Variants in SLC35A4 observed in about 807,000 individuals in gnomAD.
SLC35A4 encodes the protein probable UDP-sugar transporter protein SLC35A4.
SLC35A4 carries 9 observed loss-of-function variants against 18.8 expected under a neutral mutation model. The observed-to-expected ratio is 0.48, with a 90% confidence interval of 0.29 to 0.83. SLC35A4 has a LOEUF of 0.83. SLC35A4 is among the 40% of genes least tolerant of loss of function. The pLI is 0.09. For missense variants in SLC35A4, 404 were observed against 415.5 expected, an observed-to-expected ratio of 0.97 and a Z score of 0.24; for synonymous variants, 189 against 191.9, an observed-to-expected ratio of 0.98 and a Z score of 0.13.
chr5:140,568,154 A>G lies in SLC35A4; in HGVS notation c.*10A>G, dbSNP rs1333621975. 1.9e-6 allele frequency: 3 copies of G among 1,613,608 alleles called. No homozygotes were observed. Among genetic ancestry groups the G allele is most frequent in the East Asian group, 4.5e-5 (2 of 44,894 alleles). On this transcript the variant is annotated 3_prime_UTR_variant, in exon 3 of 3. Coordinates refer to ENST00000323146, the MANE Select transcript of SLC35A4 (RefSeq NM_080670.4). ...CTATGGCAGCCGCTAGTCCCTGACA[A>G]CTTCCACCCTGATTCCGGACCCTGT...
rs1561880678 is a variant in SLC35A4 at position 140,567,662 on chromosome 5, GGGAACACCCTTCCCA to G, written c.495_509del (p.Asn166_Ser170del). On this transcript the variant is annotated inframe_deletion, in exon 3 of 3. Transcript: ENST00000323146. ...TGCAGCAGGGGGCCTTCAAGTTCCC[GGGAACACCCTTCCCA>G]GTCCCCCTCCAGCAGCTGCTGCCAG... 1 of 1,614,004 alleles carries G rather than the reference GGGAACACCCTTCCCA, an allele frequency of 6.2e-7. No individual in the cohort carries two copies. The highest frequency in any genetic ancestry group is 1.1e-5 in the South Asian group (1 of 91,086).
rs755213951 is a variant in SLC35A4 at position 140,568,004 on chromosome 5, C to T, written c.835C>T (p.Arg279Cys). 2.2e-5 allele frequency: 35 copies of T among 1,613,990 alleles called. No individual in the cohort carries two copies. Among genetic ancestry groups the T allele is most frequent in the African/African-American group, 4.0e-5 (3 of 74,934 alleles). The change falls in exon 3 of 3, where the codon CGC (arginine) becomes TGC (cysteine). Residue 279 changes from arginine to cysteine, a missense_variant. Coordinates refer to ENST00000323146, the MANE Select transcript of SLC35A4 (RefSeq NM_080670.4). ...AVMKHGSSITRLFVVSCSLVV... is the reference protein window; with the variant it reads ...AVMKHGSSITCLFVVSCSLVV... ...CATGAAGCATGGCAGCAGCATCACA[C>T]GCCTCTTTGTGGTGTCCTGCTCGCT...
chr5:140,568,202 C>G lies in SLC35A4; in HGVS notation c.*58C>G, dbSNP rs772233745. On this transcript the variant is annotated 3_prime_UTR_variant, in exon 3 of 3. Transcript: ENST00000323146. The stretch of plus-strand genomic sequence containing the variant: ...TGTAGATTGGGCGCCACCACCAGAT[C>G]CCCCTCCCAGGCCTTCCTCCCTCTC... The G allele has an allele frequency of 2.5e-6, 4 of 1,611,962 alleles. No individual in the cohort carries two copies. Among genetic ancestry groups the G allele is most frequent in the Non-Finnish European group, 2.5e-6 (3 of 1,179,318 alleles).
rs774656460 is a variant in SLC35A4 at position 140,567,456 on chromosome 5, A to G, written c.287A>G (p.Tyr96Cys). ...CCCTTCGCACTATCAGCCCTGCTCT[A>G]TGGCGCTAACAACAACCTGGTGATC... ...AAPFALSALL[Y>C]GANNNLVIYL... The change falls in exon 3 of 3, where the codon TAT becomes TGT. Residue 96 changes from tyrosine to cysteine, a missense_variant. Tyr to Cys is a radical substitution (Grantham distance 194). Transcript: ENST00000323146. 8.1e-6 allele frequency: 13 copies of G among 1,613,974 alleles called. No individual in the cohort carries two copies. Among genetic ancestry groups the G allele is most frequent in the African/African-American group, 5.3e-5 (4 of 74,938 alleles).
chr5:140,567,731 G>C lies in SLC35A4; in HGVS notation c.562G>C (p.Gly188Arg). Residue 188 changes from glycine to arginine, a missense_variant, in exon 3 of 3, where the codon GGC becomes CGC. Gly to Arg is a moderately radical substitution (Grantham distance 125). Coordinates refer to ENST00000323146, the MANE Select transcript of SLC35A4 (RefSeq NM_080670.4). ...SPMPLHITPL[G>R]LLLLILYCLI... Reference sequence around the variant, plus strand: ...CATGCCCCTGCATATCACTCCGCTAGGCCTGCTGCTCCTCATTCTGTACTG... The same window carrying C: ...CATGCCCCTGCATATCACTCCGCTACGCCTGCTGCTCCTCATTCTGTACTG... The C allele has an allele frequency of 6.2e-7, 1 of 1,614,134 alleles. No individual in the cohort carries two copies. Among genetic ancestry groups the C allele is most frequent in the Non-Finnish European group, 8.5e-7 (1 of 1,180,036 alleles).
In SLC35A4 at chr5:140,567,958, T is replaced by G. The variant is rs773402076; in HGVS notation, c.789T>G (p.Asn263Lys). 1 of 1,614,210 alleles carries G rather than the reference T, an allele frequency of 6.2e-7. No individual in the cohort carries two copies. The highest frequency in any genetic ancestry group is 8.5e-7 in the Non-Finnish European group (1 of 1,180,040). The stretch of plus-strand genomic sequence containing the variant: ...TCGTGGTGCTGAGCCAGGCACTAAA[T>G]GGACTGCTCATGTCTGCTGTCATGA... ...AALVVLSQAL[N>K]GLLMSAVMKH... Residue 263 changes from asparagine to lysine, a missense_variant, in exon 3 of 3, where the codon AAT becomes AAG. By Grantham distance (94) the Asn-to-Lys change is moderately conservative. Transcript: ENST00000323146.
chr5:140,567,152 C>T lies in SLC35A4; in HGVS notation c.-18C>T. On this transcript the variant is annotated 5_prime_UTR_variant, in exon 3 of 3. Transcript: ENST00000323146. ...GCAATCCCTGCTGCCCCTTAGCCAC[C>T]CAGGGTCTTGTGTGGGTATGAGTGT... 2 of 1,614,164 alleles carry T rather than the reference C, an allele frequency of 1.2e-6. No individual in the cohort carries two copies. Among genetic ancestry groups the T allele is most frequent in the Non-Finnish European group, 1.7e-6 (2 of 1,180,038 alleles).
rs1420730652 is a variant in SLC35A4 at position 140,567,190 on chromosome 5, T to TATGCCAGGCCTGGGCC, written c.22_37dup (p.Arg13HisfsTer51). 1 of 1,613,974 alleles carries TATGCCAGGCCTGGGCC rather than the reference T, an allele frequency of 6.2e-7. No homozygotes were observed. Among genetic ancestry groups the TATGCCAGGCCTGGGCC allele is most frequent in the Non-Finnish European group, 8.5e-7 (1 of 1,180,008 alleles). ...TGGGTATGAGTGTAGAGGATGGGGGTATGCCAGGCCTGGGCCGTCCCAGGC... is the reference window on the plus strand; with the variant it reads ...TGGGTATGAGTGTAGAGGATGGGGGTATGCCAGGCCTGGGCCATGCCAGGCCTGGGCCGTCCCAGGC... On this transcript the variant is annotated frameshift_variant, in exon 3 of 3. Transcript: ENST00000323146. LOFTEE classifies it high-confidence loss of function.
At position 140,565,927 on chromosome 5, in the gene SLC35A4, C is replaced by T. The variant is rs554021449; in HGVS notation, c.-650C>T. On this transcript the variant is annotated 5_prime_UTR_variant, in exon 2 of 3. Transcript: ENST00000323146. ...ATTTCTCAAGAACCAGCTGGAAAGC[C>T]TGCAGCGGCGTGTAGAAGACGAAGT... 7.8e-5 allele frequency: 31 copies of T among 398,964 alleles called. No individual in the cohort carries two copies. The Middle Eastern group carries it at 1.9e-3, about 24-fold the overall frequency. The allele number at this position is 398,964 out of a possible 1,614,324, so 24.7% of individuals were successfully genotyped here. A position where few individuals can be genotyped will look rare whatever the true frequency, so the allele number is the denominator to read the frequency against.
At position 140,567,179 on chromosome 5, in the gene SLC35A4, G is replaced by A. The variant is rs142991869; in HGVS notation, c.10G>A (p.Glu4Lys). The A allele has an allele frequency of 6.2e-7, 1 of 1,614,226 alleles. No individual in the cohort carries two copies. Among genetic ancestry groups the A allele is most frequent in the African/African-American group, 1.3e-5 (1 of 75,070 alleles). Reference protein sequence around the residue: MSVEDGGMPGLGRP... With the variant: MSVKDGGMPGLGRP... ...AGGGTCTTGTGTGGGTATGAGTGTAGAGGATGGGGGTATGCCAGGCCTGGG... is the reference window on the plus strand; with the variant it reads ...AGGGTCTTGTGTGGGTATGAGTGTAAAGGATGGGGGTATGCCAGGCCTGGG... The change falls in exon 3 of 3, where the codon GAG becomes AAG. Residue 4 changes from glutamate (E) to lysine (K), a missense_variant. Physicochemically the swap from Glu to Lys is moderately conservative, Grantham distance 56. Coordinates refer to ENST00000323146, the MANE Select transcript of SLC35A4 (RefSeq NM_080670.4).
In SLC35A4 at chr5:140,564,992, A is replaced by G. The variant is rs777564094; in HGVS notation, c.-705+134A>G. The G allele has an allele frequency of 5.0e-6, 2 of 399,054 alleles. No individual in the cohort carries two copies. The highest frequency in any genetic ancestry group is 4.4e-6 in the Non-Finnish European group (1 of 226,036). 24.7% of individuals were successfully genotyped at this position (399,054 alleles called of 1,614,324 possible). Reference sequence around the variant, plus strand: ...CTTGTTTCTTCTGCGGCTCCTGTCAACTGCCTCAACAGTGTGGAGTGGTGT... The same window carrying G: ...CTTGTTTCTTCTGCGGCTCCTGTCAGCTGCCTCAACAGTGTGGAGTGGTGT... On this transcript the variant is annotated intron_variant, in intron 1 of 2. Coordinates refer to ENST00000323146, the MANE Select transcript of SLC35A4 (RefSeq NM_080670.4). The surrounding 1 kb of genome is among the most constrained non-coding windows in gnomAD (Gnocchi z 5.0).
In SLC35A4 at chr5:140,567,513, A is replaced by G. The variant is rs1289072460; in HGVS notation, c.344A>G (p.Tyr115Cys). 1 of 1,614,106 alleles carries G rather than the reference A, an allele frequency of 6.2e-7. No individual in the cohort carries two copies. Among genetic ancestry groups the G allele is most frequent in the Non-Finnish European group, 8.5e-7 (1 of 1,179,994 alleles). Residue 115 changes from tyrosine to cysteine, a missense_variant, in exon 3 of 3, where the codon TAC becomes TGC. Transcript: ENST00000323146. ...YLQRYMDPST[Y>C]QVLSNLKIGS... is the part of the protein sequence containing the mutation. ...CAGCGTTACATGGACCCCAGCACCTACCAGGTGCTGAGTAATCTCAAGATT... is the reference window on the plus strand; with the variant it reads ...CAGCGTTACATGGACCCCAGCACCTGCCAGGTGCTGAGTAATCTCAAGATT...
rs1755234088 is a variant in SLC35A4 at position 140,567,932 on chromosome 5, C to T, written c.763C>T (p.Leu255Phe). The change falls in exon 3 of 3, where the codon CTC becomes TTC. Residue 255 changes from leucine (L) to phenylalanine (F), a missense_variant. Coordinates refer to ENST00000323146, the MANE Select transcript of SLC35A4 (RefSeq NM_080670.4). Reference sequence around the variant, plus strand: ...GGAAGGTTTCTCAGGATGGGCAGCACTCGTGGTGCTGAGCCAGGCACTAAA... The same window carrying T: ...GGAAGGTTTCTCAGGATGGGCAGCATTCGTGGTGCTGAGCCAGGCACTAAA... Reference protein sequence around the residue: ...LLEGFSGWAALVVLSQALNGL... With the variant: ...LLEGFSGWAAFVVLSQALNGL... The T allele has an allele frequency of 1.9e-6, 3 of 1,614,084 alleles. No individual in the cohort carries two copies. Among genetic ancestry groups the T allele is most frequent in the Admixed American group, 1.7e-5 (1 of 60,012 alleles).
chr5:140,567,442 A>G lies in SLC35A4; in HGVS notation c.273A>G (p.Leu91=), dbSNP rs1283773473. The change falls in exon 3 of 3, where the codon CTA becomes CTG. Residue 91 remains leucine, a synonymous_variant. Coordinates refer to ENST00000323146, the MANE Select transcript of SLC35A4 (RefSeq NM_080670.4). ...PPWRQAAPFA[L]SALLYGANNN... ...GGCGCCAGGCTGCTCCCTTCGCACT[A>G]TCAGCCCTGCTCTATGGCGCTAACA... The G allele has an allele frequency of 6.2e-7, 1 of 1,614,120 alleles. No homozygotes were observed. The highest frequency in any genetic ancestry group is 8.5e-7 in the Non-Finnish European group (1 of 1,180,032).
At chr5:140,565,327 C>T (rs1426046526) in intron 1 of SLC35A4, 3 of 161,702 alleles carry the variant, frequency 1.9e-5, no homozygotes, top group African/African-American at 4.8e-5. Flanking sequence ...CATTCTCAGT[C>T]ACATCCAGTC....
intron 1 of SLC35A4, chr5:140,565,587 A>C: frequency 4.5e-6 from 1 of 223,186 alleles, no homozygotes; most frequent in East Asian, 9.1e-5. Flanking sequence ...AAAGGTCCCT[A>C]GCTGTCCCTC....
rs556750812 is a variant in SLC35A4 at position 140,565,121 on chromosome 5, C to T, written c.-705+263C>T. ...CTAGCACAGACTCAAAAACATTCAC[C>T]CTTAAACACTCCTCACTTTACCCCA... On this transcript the variant is annotated intron_variant, in intron 1 of 2. Transcript: ENST00000323146. 11 of 390,098 alleles carry T rather than the reference C, an allele frequency of 2.8e-5. No individual in the cohort carries two copies. In the South Asian group the frequency reaches 1.3e-3, roughly 46 times the overall value. 24.2% of individuals were successfully genotyped at this position (390,098 alleles called of 1,614,324 possible). A position where few individuals can be genotyped will look rare whatever the true frequency, so the allele number is the denominator to read the frequency against.
At position 140,567,179 on chromosome 5, in the gene SLC35A4, G is replaced by C; in HGVS notation, c.10G>C (p.Glu4Gln). The C allele has an allele frequency of 6.2e-7, 1 of 1,614,226 alleles. No individual in the cohort carries two copies. The highest frequency in any genetic ancestry group is 1.3e-5 in the African/African-American group (1 of 75,070). MSV[E>Q]DGGMPGLGRP... is the part of the protein sequence containing the mutation. ...AGGGTCTTGTGTGGGTATGAGTGTA[G>C]AGGATGGGGGTATGCCAGGCCTGGG... Residue 4 changes from glutamate (E) to glutamine (Q), a missense_variant, in exon 3 of 3, where the codon GAG becomes CAG. By Grantham distance (29) the Glu-to-Gln change is conservative. Coordinates refer to ENST00000323146, the MANE Select transcript of SLC35A4 (RefSeq NM_080670.4).
At position 140,568,101 on chromosome 5, in the gene SLC35A4, T is replaced by G. The variant is rs754281959; in HGVS notation, c.932T>G (p.Leu311Trp). ...ACAGCCGCCTTCTTCCTGGCCACAT[T>G]GCTCATTGGCCTGGCCATGCGCCTG... ...QLTAAFFLAT[L>W]LIGLAMRLYY... Residue 311 changes from leucine (L) to tryptophan (W), a missense_variant, in exon 3 of 3, where the codon TTG becomes TGG. Coordinates refer to ENST00000323146, the MANE Select transcript of SLC35A4 (RefSeq NM_080670.4). 1.2e-6 allele frequency: 2 copies of G among 1,613,890 alleles called. No homozygotes were observed. Among genetic ancestry groups the G allele is most frequent in the South Asian group, 2.2e-5 (2 of 91,086 alleles).
Sources: allele counts gnomAD v4.1 joint callset, GRCh38; gene constraint gnomAD v4.1.1; non-coding constraint Gnocchi (gnomAD v3.1); transcripts MANE v1.5; gene names NCBI Gene and HGNC (gene_info 2026-07-23, HGNC 2026-07-21).